The following ADD3 variants were observed in gnomAD, a reference collection of about 807,000 sequenced individuals.
ADD3 encodes adducin 3.
Under a neutral mutation model 80.2 loss-of-function variants are expected in ADD3, and 25 were observed. That is an observed-to-expected ratio of 0.31 (90% CI 0.23 to 0.44). The LOEUF is 0.44. Among genes scored for constraint, ADD3 ranks in the 20% least tolerant of loss-of-function variants. ADD3 has a pLI of 1.00. For missense variants in ADD3, 829 were observed against 847.5 expected, an observed-to-expected ratio of 0.98 and a Z score of 0.27; for synonymous variants, 284 against 289.6, an observed-to-expected ratio of 0.98 and a Z score of 0.20.
intron 6 of ADD3, 144 bp downstream of exon 6, chr10:110,118,880 G>T: frequency 1.2e-6 from 1 of 825,658 alleles, no homozygotes; most frequent in African/African-American, 1.7e-5. Context: ...AAGGCCTTTG[G>T]GACCAAATGC....
chr10:110,046,383 C>A (rs1355020913), intron 1 of ADD3, among the ~76,000 whole-genome samples: 1 of 150,386 alleles, frequency 6.6e-6, no homozygotes, highest in Non-Finnish European at 1.5e-5. Context: ...CAATAGTAGG[C>A]TATTAATAGT....
chr10:110,058,268 C>T (rs1020368585), intron 1 of ADD3, among the ~76,000 whole-genome samples: 13 of 151,986 alleles, frequency 8.6e-5, no homozygotes, highest in Non-Finnish European at 1.9e-4. Flanking sequence ...CTGTGTGATG[C>T]AGTCAGTTTT....
Position 110,122,180 on chromosome 10 carries a change from T to C in ADD3, c.1031T>C (p.Phe344Ser). 6.2e-7 allele frequency: 1 copy of C among 1,614,192 alleles called. No individual in the cohort carries two copies. ...CTGGACTTTCAGAAGTATAAAGCTTTCACTTACACTGTAGCAGCGTCTGGT... is the reference window on the plus strand; with the variant it reads ...CTGGACTTTCAGAAGTATAAAGCTTCCACTTACACTGTAGCAGCGTCTGGT... The part of the protein sequence containing the change: ...HVLDFQKYKA[F>S]TYTVAASGGG... Residue 344 changes from phenylalanine to serine, a missense_variant, in exon 9 of 15, where the codon TTC becomes TCC. Coordinates refer to ENST00000356080, the MANE Select transcript of ADD3 (RefSeq NM_016824.5).
At chr10:110,071,797 C>T (rs1203279140) in intron 1 of ADD3, among the ~76,000 whole-genome samples, 1 of 152,166 alleles carries the variant, frequency 6.6e-6, no homozygotes, top group East Asian at 1.9e-4. Context: ...AAATGGGGAT[C>T]ATGCCTAATC....
chr10:110,128,015 G>C (rs2134207440), intron 12 of ADD3, among the ~76,000 whole-genome samples: 1 of 150,330 alleles, frequency 6.7e-6, no homozygotes, highest in South Asian at 2.1e-4. Flanking sequence ...TGTTGAAGTA[G>C]GAAGGCATTG....
chr10:110,027,141 C>T (rs1026561934), intron 1 of ADD3, among the ~76,000 whole-genome samples: 1 of 152,160 alleles, frequency 6.6e-6, no homozygotes, highest in Non-Finnish European at 1.5e-5. Context: ...AGGTAGAAGA[C>T]TACATTAGTT....
chr10:110,132,485 G>T (rs1853157475), intron 14 of ADD3, 85 bp downstream of exon 14: 2 of 789,922 alleles, frequency 2.5e-6, no homozygotes, highest in Non-Finnish European at 4.3e-6. Context: ...TGAGGAAGTT[G>T]AATACCTCAT....
chr10:110,051,598 T>C (rs1044673097), intron 1 of ADD3, among the ~76,000 whole-genome samples: 1 of 152,164 alleles, frequency 6.6e-6, no homozygotes, highest in Non-Finnish European at 1.5e-5. Flanking sequence ...GCTCTCTAAG[T>C]CCTGAAATAG....
intron 1 of ADD3, among the ~76,000 whole-genome samples, chr10:109,999,737 C>A (rs946586522): frequency 6.6e-6 from 1 of 152,074 alleles, no homozygotes; most frequent in Non-Finnish European, 1.5e-5. Flanking sequence ...ATAAAACTAT[C>A]ATATCTTAAT....
chr10:110,036,034 C>T (rs180769550), intron 1 of ADD3, among the ~76,000 whole-genome samples: 1 of 152,078 alleles, frequency 6.6e-6, no homozygotes, highest in Admixed American at 6.5e-5. Flanking sequence ...GCCTGTAATC[C>T]CAGCTACTCG....
chr10:110,028,597 A>G (rs1854594905), intron 1 of ADD3, among the ~76,000 whole-genome samples: 1 of 152,122 alleles, frequency 6.6e-6, no homozygotes, highest in Admixed American at 6.6e-5. Context: ...GCCCATTTAC[A>G]AAATTGACTG....
At chr10:110,116,008 T>C (rs1850692388) in intron 3 of ADD3, among the ~76,000 whole-genome samples, 2 of 152,236 alleles carry the variant, frequency 1.3e-5, no homozygotes, top group Admixed American at 6.5e-5. Flanking sequence ...GCCTTTGATA[T>C]AGTCACTCCT....
intron 1 of ADD3, among the ~76,000 whole-genome samples, chr10:110,091,306 A>G (rs1847472592): frequency 6.6e-6 from 1 of 152,238 alleles, no homozygotes; most frequent in South Asian, 2.1e-4. Context: ...GTTAAGATCT[A>G]TAACCATGAG....
Position 110,126,467 on chromosome 10 carries a change from G to A in ADD3, c.1572G>A (p.Gln524=). 1.2e-6 allele frequency: 2 copies of A among 1,613,684 alleles called. No individual in the cohort carries two copies. Among genetic ancestry groups the A allele is most frequent in the Non-Finnish European group, 1.7e-6 (2 of 1,179,942 alleles). Residue 524 remains glutamine (Q), a synonymous_variant, in exon 12 of 15, where the codon CAG becomes CAA. Transcript: ENST00000356080. ...TGAAAACAGCAGGACCACAATCTCA[G>A]TTGCTTGCTGGAATTGTTGTGGATA... ...YDLKTAGPQS[Q]LLAGIVVDKP...
chr10:110,084,299 C>A (rs1846428208), intron 1 of ADD3, among the ~76,000 whole-genome samples: 1 of 152,184 alleles, frequency 6.6e-6, no homozygotes, highest in Admixed American at 6.5e-5. Flanking sequence ...GTATATTAAT[C>A]ATGAGCACAT....
At chr10:110,073,807 T>C (rs948009283) in intron 1 of ADD3, among the ~76,000 whole-genome samples, 6 of 152,214 alleles carry the variant, frequency 3.9e-5, no homozygotes, top group African/African-American at 1.4e-4. Context: ...CTCTGTGCTA[T>C]CTGTTGGAAT....
At chr10:110,070,084 C>T (rs1269827939) in intron 1 of ADD3, among the ~76,000 whole-genome samples, 1 of 151,980 alleles carries the variant, frequency 6.6e-6, no homozygotes, top group African/African-American at 2.4e-5. Context: ...AATCTTTTTC[C>T]TCTTCACCCC....
chr10:110,030,842 T>C (rs1854920516), intron 1 of ADD3, among the ~76,000 whole-genome samples: 2 of 151,728 alleles, frequency 1.3e-5, no homozygotes, highest in East Asian at 1.9e-4. Flanking sequence ...TTTTGAGAGC[T>C]ATTGCCTACA....
chr10:110,130,535 T>C, intron 13 of ADD3, 49 bp downstream of exon 13: 1 of 1,592,110 alleles, frequency 6.3e-7, no homozygotes. Context: ...CTGATAACAA[T>C]AAAGTACCTC....
Sources: gnomAD v4.1 joint callset for allele counts (sites outside exome capture counted in the v4.1 genomes callset) on GRCh38, gnomAD v4.1.1 for gene constraint, MANE v1.5 for transcripts, NCBI Gene and HGNC (gene_info 2026-07-23, HGNC 2026-07-21) for gene names.